ZSWIM2: variants seen among roughly 807,000 people sequenced by gnomAD.
ZSWIM2 encodes zinc finger SWIM-type containing 2.
Under a neutral mutation model 48.4 loss-of-function variants are expected in ZSWIM2, and 38 were observed. The observed-to-expected ratio is 0.79, with a 90% CI of 0.61 to 1.03. The LOEUF (loss-of-function observed/expected upper bound fraction) is 1.03. ZSWIM2 is among the 50% of genes least tolerant of loss of function. The pLI is 0.00. For synonymous variants in ZSWIM2, 240 were observed against 251.3 expected (o/e 0.96, Z 0.42); for missense variants, 776 against 730.2 (o/e 1.06, Z -0.72).
In ZSWIM2 at chr2:186,847,602, A is replaced by G. The variant is rs566272429; in HGVS notation, c.242+117T>C. ...TAAGCTATGACCATTTTAACTTTATATTCCCCAAACACCAAATTTCTTTAA... is the reference window on the plus strand; with the variant it reads ...TAAGCTATGACCATTTTAACTTTATGTTCCCCAAACACCAAATTTCTTTAA... On this transcript the variant is annotated intron_variant, in intron 2 of 8. Transcript: ENST00000295131. The G allele has an allele frequency of 2.5e-5, 15 of 594,976 alleles. No individual in the cohort carries two copies. In the African/African-American group the frequency reaches 2.8e-4, roughly 11 times the overall value. The allele number at this position is 594,976 out of a possible 1,614,324, so 36.9% of individuals were successfully genotyped here.
At chr2:186,837,645 A>G (rs767490525) in intron 4 of ZSWIM2, 91 bp from the exon 5 acceptor site, 229 of 438,064 alleles carry the variant, frequency 5.2e-4, no homozygotes, top group Non-Finnish European at 6.5e-4. Flanking sequence ...ATATATTTAT[A>G]TAAATAAAAT....
chr2:186,843,350 A>C (rs1691942590), intron 3 of ZSWIM2, among the ~76,000 whole-genome samples: 1 of 151,678 alleles, frequency 6.6e-6, no homozygotes, highest in Non-Finnish European at 1.5e-5. Flanking sequence ...AGGCTTAAGA[A>C]GAGGCTGACA....
chr2:186,837,064 A>G (rs1415105314), intron 5 of ZSWIM2, among the ~76,000 whole-genome samples: 1 of 152,100 alleles, frequency 6.6e-6, no homozygotes, highest in Non-Finnish European at 1.5e-5. Context: ...TTCAGACCCA[A>G]TCTGGACCAG....
At position 186,837,365 on chromosome 2, in the gene ZSWIM2, T is replaced by G. The variant is rs1179709745; in HGVS notation, c.684A>C (p.Lys228Asn). The change falls in exon 5 of 9, where the codon AAA (lysine) becomes AAC (asparagine). Residue 228 changes from lysine (K) to asparagine (N), a missense_variant. Physicochemically the swap from Lys to Asn is moderately conservative, Grantham distance 94. Coordinates refer to ENST00000295131, the MANE Select transcript of ZSWIM2 (RefSeq NM_182521.3). ...VAAAEKERLDKHLGIPCNNCK... is the reference protein window; with the variant it reads ...VAAAEKERLDNHLGIPCNNCK... Reference sequence around the variant, plus strand: ...AGTTATTACAGGGAATCCCAAGGTGTTTGTCCAGTCTCTCTTTTTCTGCTG... The same window carrying G: ...AGTTATTACAGGGAATCCCAAGGTGGTTGTCCAGTCTCTCTTTTTCTGCTG... 12 of 1,613,090 alleles carry G rather than the reference T, an allele frequency of 7.4e-6. No individual in the cohort carries two copies. The highest frequency in any genetic ancestry group is 1.0e-5 in the Non-Finnish European group (12 of 1,179,356).
At chr2:186,833,616 G>A (rs1691742992) in intron 6 of ZSWIM2, among the ~76,000 whole-genome samples, 1 of 151,982 alleles carries the variant, frequency 6.6e-6, no homozygotes. Context: ...AAATGTTTTG[G>A]TTTTACGTTA....
chr2:186,848,751 T>C, intron 1 of ZSWIM2: 1 of 546,888 alleles, frequency 1.8e-6, no homozygotes. Flanking sequence ...CAGTTTGGTC[T>C]TAACCTCCAA....
Position 186,833,110 on chromosome 2 carries a change from G to A in ZSWIM2, c.941+10C>T, listed in dbSNP as rs1209189242. The A allele has an allele frequency of 7.8e-7, 1 of 1,274,362 alleles. No individual in the cohort carries two copies. Among genetic ancestry groups the A allele is most frequent in the Non-Finnish European group, 1.1e-6 (1 of 930,484 alleles). The allele number at this position is 1,274,362 out of a possible 1,614,324, so 78.9% of individuals were successfully genotyped here. A position where few individuals can be genotyped will look rare whatever the true frequency, so the allele number is the denominator to read the frequency against. ...CATACAACAAATATAAAATTTACTGGGAACCTCACCCTTGCTTTTCTTGAA... is the reference window on the plus strand; with the variant it reads ...CATACAACAAATATAAAATTTACTGAGAACCTCACCCTTGCTTTTCTTGAA... On this transcript the variant is annotated intron_variant, in intron 7 of 8. Coordinates refer to ENST00000295131, the MANE Select transcript of ZSWIM2 (RefSeq NM_182521.3).
In ZSWIM2 at chr2:186,827,954, C is replaced by T; in HGVS notation, c.*30G>A. The stretch of plus-strand genomic sequence containing the variant: ...ATATAAAACATTTTTTTATATTCAA[C>T]ATTCAAATATTTTCAGATAGTAAAC... On this transcript the variant is annotated 3_prime_UTR_variant, in exon 9 of 9. Transcript: ENST00000295131. 2 of 1,473,048 alleles carry T rather than the reference C, an allele frequency of 1.4e-6. No homozygotes were observed. The highest frequency in any genetic ancestry group is 1.4e-5 in the South Asian group (1 of 71,312). 91.2% of individuals were successfully genotyped at this position (1,473,048 alleles called of 1,614,324 possible).
chr2:186,844,606 A>T, intron 3 of ZSWIM2, 111 bp downstream of exon 3: 1 of 1,111,128 alleles, frequency 9.0e-7, no homozygotes, highest in Non-Finnish European at 1.3e-6. Flanking sequence ...GATTCCCTAG[A>T]AAAGTAACCA....
intron 4 of ZSWIM2, among the ~76,000 whole-genome samples, chr2:186,838,408 T>C (rs1340312257): frequency 6.7e-6 from 1 of 150,196 alleles, no homozygotes; most frequent in Non-Finnish European, 1.5e-5. Flanking sequence ...AAAGATAGAA[T>C]TTTGAAAAAC....
At chr2:186,847,108 G>C (rs1692018369) in intron 2 of ZSWIM2, among the ~76,000 whole-genome samples, 1 of 151,796 alleles carries the variant, frequency 6.6e-6, no homozygotes, top group South Asian at 2.1e-4. Context: ...TACACTATAA[G>C]TCCAGACTTC....
intron 1 of ZSWIM2, chr2:186,848,670 A>G: frequency 3.3e-6 from 1 of 303,324 alleles, no homozygotes; most frequent in Admixed American, 4.0e-5. Context: ...ATGTAATGCC[A>G]ACCAGGTATT....
chr2:186,843,359 C>CAT (rs1281008885), intron 3 of ZSWIM2, among the ~76,000 whole-genome samples: 2 of 151,462 alleles, frequency 1.3e-5, no homozygotes, highest in African/African-American at 4.8e-5. Context: ...AAGAGGCTGA[C>CAT]ATTTTAGAAA....
At chr2:186,848,710 G>C (rs1692047628) in intron 1 of ZSWIM2, 1 of 424,624 alleles carries the variant, frequency 2.4e-6, no homozygotes, top group East Asian at 4.4e-5. Context: ...CAAGCCTAAA[G>C]ATCAAGAGCC....
chr2:186,841,996 GAA>G (rs1691912106), intron 3 of ZSWIM2, among the ~76,000 whole-genome samples: 1 of 151,118 alleles, frequency 6.6e-6, no homozygotes, highest in African/African-American at 2.4e-5. Context: ...GTGAATAAAA[GAA>G]TGTTCAGTGT....
At chr2:186,828,819 C>G (rs761827530) in intron 8 of ZSWIM2, 29 bp from the exon 9 acceptor site, 2 of 1,262,436 alleles carry the variant, frequency 1.6e-6, no homozygotes, top group African/African-American at 1.5e-5. Context: ...CTAATCAGAA[C>G]TATACCAATC....
intron 8 of ZSWIM2, among the ~76,000 whole-genome samples, chr2:186,829,434 C>G (rs1691659664): frequency 6.6e-6 from 1 of 151,946 alleles, no homozygotes; most frequent in South Asian, 2.1e-4. Flanking sequence ...ATTCTATAAC[C>G]TTTTTTCTTT....
At chr2:186,848,932 A>G (rs1692052118) in intron 1 of ZSWIM2, 34 bp downstream of exon 1, 1 of 1,612,208 alleles carries the variant, frequency 6.2e-7, no homozygotes, top group South Asian at 1.1e-5. Flanking sequence ...GGCGGGGATG[A>G]TGGCCAACTG....
In ZSWIM2 at chr2:186,837,516, T is replaced by G. The variant is rs749612493; in HGVS notation, c.533A>C (p.Lys178Thr). Residue 178 changes from lysine (K) to threonine (T), a missense_variant, in exon 5 of 9, where the codon AAG becomes ACG. Lys to Thr is a moderately conservative substitution (Grantham distance 78). Transcript: ENST00000295131. ...CGNSIHIKCM[K>T]ILANYQSTSN... ...TGTACTCTGATAATTAGCTAAGATC[T>G]TCATGCATTTTATATGAATACTATT... 1 of 1,611,438 alleles carries G rather than the reference T, an allele frequency of 6.2e-7. No individual in the cohort carries two copies. Among genetic ancestry groups the G allele is most frequent in the Non-Finnish European group, 8.5e-7 (1 of 1,178,440 alleles).
Sources: gnomAD v4.1 joint callset for allele counts (sites outside exome capture counted in the v4.1 genomes callset) on GRCh38, gnomAD v4.1.1 for gene constraint, MANE v1.5 for transcripts, NCBI Gene and HGNC (gene_info 2026-07-23, HGNC 2026-07-21) for gene names.